Variants in ASTN2 observed in about 807,000 individuals in gnomAD.
ASTN2 encodes the protein astrotactin-2.
In ASTN2, 54 loss-of-function variants were observed where a neutral mutation model predicts 139.8. The ratio of observed to expected loss-of-function variants is 0.39; its 90% CI spans 0.31 to 0.48. ASTN2 has a LOEUF of 0.48. ASTN2 is among the 20% of genes least tolerant of loss of function. The pLI is 0.95. For synonymous variants in ASTN2, 756 were observed against 719.5 expected (o/e 1.05, Z -0.81); for missense variants, 1,565 against 1,725.1 (o/e 0.91, Z 1.64).
At chr9:116,630,227 A>G (rs1012280292) in intron 17 of ASTN2, among the ~76,000 whole-genome samples, 1 of 152,170 alleles carries the variant, frequency 6.6e-6, no homozygotes, top group African/African-American at 2.4e-5. Context: ...CCTAAGTTAC[A>G]TAGCCAGTAT....
At chr9:116,938,739 A>C (rs1249208979) in intron 10 of ASTN2, among the ~76,000 whole-genome samples, 1 of 152,204 alleles carries the variant, frequency 6.6e-6, no homozygotes, top group Non-Finnish European at 1.5e-5. Context: ...TGTTTTCTTC[A>C]GACTGATAAC....
intron 19 of ASTN2, among the ~76,000 whole-genome samples, chr9:116,490,269 AAGT>A (rs1443388376): frequency 1.5e-5 from 2 of 129,280 alleles, no homozygotes; most frequent in African/African-American, 5.8e-5. Context: ...ATGTGATAAA[AAGT>A]AAAAAAAAAA....
intron 11 of ASTN2, among the ~76,000 whole-genome samples, chr9:116,821,152 T>C (rs1171520595): frequency 2.0e-5 from 3 of 152,200 alleles, no homozygotes; most frequent in East Asian, 1.9e-4. Flanking sequence ...TATTGCCCTA[T>C]AGGGTCTACT....
At chr9:116,620,061 G>A (rs1230336812) in intron 18 of ASTN2, among the ~76,000 whole-genome samples, 1 of 152,054 alleles carries the variant, frequency 6.6e-6, no homozygotes, top group African/African-American at 2.4e-5. Context: ...TTGCCTGAAG[G>A]AAGAAATGAT....
intron 3 of ASTN2, among the ~76,000 whole-genome samples, chr9:117,159,664 C>A (rs1385990038): frequency 1.3e-5 from 2 of 151,956 alleles, no homozygotes; most frequent in Non-Finnish European, 2.9e-5. Flanking sequence ...ATCTGATTTC[C>A]CCATCAAGAC....
intron 2 of ASTN2, among the ~76,000 whole-genome samples, chr9:117,270,996 G>A (rs2133124664): frequency 6.6e-6 from 1 of 152,224 alleles, no homozygotes; most frequent in African/African-American, 2.4e-5. Context: ...CTTTCAAATG[G>A]ACACTCACGG....
chr9:117,135,351 T>C (rs1829925889), intron 4 of ASTN2, among the ~76,000 whole-genome samples: 1 of 152,168 alleles, frequency 6.6e-6, no homozygotes, highest in African/African-American at 2.4e-5. Context: ...TTAAATAAGA[T>C]AAAATGTGTG....
chr9:116,610,053 T>C (rs1455547187), intron 19 of ASTN2, among the ~76,000 whole-genome samples: 1 of 152,012 alleles, frequency 6.6e-6, no homozygotes, highest in African/African-American at 2.4e-5. Context: ...AAAGATGGGA[T>C]AATATTTAAA....
At chr9:117,073,765 G>A (rs1009727587) in intron 5 of ASTN2, among the ~76,000 whole-genome samples, 5 of 152,122 alleles carry the variant, frequency 3.3e-5, no homozygotes, top group African/African-American at 4.8e-5. Flanking sequence ...GGGAGCAGGC[G>A]GTGGAATTTC....
At chr9:116,590,457 A>C (rs974555922) in intron 19 of ASTN2, among the ~76,000 whole-genome samples, 2 of 152,204 alleles carry the variant, frequency 1.3e-5, no homozygotes, top group East Asian at 3.9e-4. Flanking sequence ...GCCAATAAGC[A>C]CGGGAAAGGG....
At chr9:116,435,814 A>G (rs34581947) in intron 22 of ASTN2, among the ~76,000 whole-genome samples, 2,537 of 152,300 alleles carry the variant, frequency 0.017, 26 homozygotes, top group Admixed American at 0.032. Flanking sequence ...CATTAACATC[A>G]CTATGAGAGC....
chr9:116,976,818 G>A (rs1176496430), intron 7 of ASTN2, 33 bp from the exon 8 acceptor site: 3 of 1,590,636 alleles, frequency 1.9e-6, no homozygotes, highest in Non-Finnish European at 2.6e-6. Flanking sequence ...TTATTGTTAA[G>A]TAGAGTCTCC....
intron 3 of ASTN2, among the ~76,000 whole-genome samples, chr9:117,189,393 A>G (rs889677569): frequency 2.0e-5 from 3 of 152,308 alleles, no homozygotes; most frequent in African/African-American, 4.8e-5. Context: ...TTAAGATGGC[A>G]TTGACTAGAA....
At chr9:117,297,609 G>T (rs1005047126) in intron 1 of ASTN2, among the ~76,000 whole-genome samples, 6 of 152,180 alleles carry the variant, frequency 3.9e-5, no homozygotes, top group African/African-American at 1.2e-4. Context: ...GCAAACTAAT[G>T]ATGAGCAACG....
chr9:116,999,953 T>G (rs561512465), intron 7 of ASTN2, among the ~76,000 whole-genome samples: 64 of 152,196 alleles, frequency 4.2e-4, no homozygotes, highest in Admixed American at 6.6e-4. Context: ...AAATTCCTCC[T>G]TCAGCTGGTT....
At chr9:117,360,489 A>G (rs1829661032) in intron 1 of ASTN2, among the ~76,000 whole-genome samples, 1 of 152,140 alleles carries the variant, frequency 6.6e-6, no homozygotes, top group African/African-American at 2.4e-5. Context: ...AAAGCAAGAA[A>G]AGAGCAAGTG....
rs958094766 is a variant in ASTN2, at chr9:116,424,747, AT to A, written c.*1103del. 6.6e-6 allele frequency among the ~76,000 whole-genome samples: 1 copy of A among 151,714 alleles called. No individual in the cohort carries two copies. The highest frequency in any genetic ancestry group is 2.4e-5 in the African/African-American group (1 of 41,298). On this transcript the variant is annotated 3_prime_UTR_variant, in exon 23 of 23. Coordinates refer to ENST00000313400, the MANE Select transcript of ASTN2 (RefSeq NM_001365068.1). ...CAGGCACGTGCCACCATGCCCTGCT[AT>A]TTTTTATTTTTTGTATTGTTAGTAG...
chr9:117,402,165 C>T (rs548036948), intron 1 of ASTN2, among the ~76,000 whole-genome samples: 1 of 152,324 alleles, frequency 6.6e-6, no homozygotes, highest in Non-Finnish European at 1.5e-5. Context: ...CTCCCAGGTT[C>T]AAGAGATTCT....
At chr9:116,856,640 A>G (rs1211193276) in intron 11 of ASTN2, among the ~76,000 whole-genome samples, 1 of 152,238 alleles carries the variant, frequency 6.6e-6, no homozygotes, top group Non-Finnish European at 1.5e-5. Context: ...ATGGAAATCC[A>G]TATGTTTATT....
Sources: gnomAD v4.1 joint callset for allele counts (sites outside exome capture counted in the v4.1 genomes callset) on GRCh38, gnomAD v4.1.1 for gene constraint, MANE v1.5 for transcripts, NCBI Gene and HGNC (gene_info 2026-07-23, HGNC 2026-07-21) for gene names.